MTUS2: variants seen among roughly 807,000 people sequenced by gnomAD.
The protein encoded by MTUS2 is microtubule associated scaffold protein 2.
MTUS2 carries 40 observed loss-of-function variants against 114.1 expected under a neutral mutation model. The observed-to-expected ratio is 0.35, with a 90% CI of 0.27 to 0.46. MTUS2 has a LOEUF of 0.46. Ranked by LOEUF, MTUS2 falls within the 20% of genes least tolerant of loss-of-function variation. The pLI, the probability that MTUS2 is intolerant of heterozygous loss-of-function variation, is 1.00. For missense variants in MTUS2, 1,679 were observed against 1,705.4 expected (o/e 0.98, Z 0.27); for synonymous variants, 688 against 672.0 (o/e 1.02, Z -0.37).
At chr13:28,986,763 G>A (rs1025815188) in intron 2 of MTUS2, among the ~76,000 whole-genome samples, 1 of 152,150 alleles carries the variant, frequency 6.6e-6, no homozygotes, top group Non-Finnish European at 1.5e-5. Flanking sequence ...CATCACTCCA[G>A]AGCTGTGCTA....
At chr13:29,472,336 T>C (rs1880383224) in intron 9 of MTUS2, among the ~76,000 whole-genome samples, 1 of 152,234 alleles carries the variant, frequency 6.6e-6, no homozygotes, top group Middle Eastern at 3.4e-3. Flanking sequence ...TCCATGAACT[T>C]TCATCCTTCA....
At chr13:29,405,930 G>A (rs1284002671) in intron 8 of MTUS2, among the ~76,000 whole-genome samples, 4 of 151,734 alleles carry the variant, frequency 2.6e-5, no homozygotes, top group African/African-American at 7.3e-5. Flanking sequence ...TAGTAGAGAC[G>A]GGGTTTCACC....
intron 8 of MTUS2, among the ~76,000 whole-genome samples, chr13:29,361,886 A>T (rs773724137): frequency 6.6e-6 from 1 of 152,214 alleles, no homozygotes; most frequent in Non-Finnish European, 1.5e-5. Context: ...ACACTGTAGC[A>T]TATTTATCTG....
At chr13:28,982,458 T>C (rs1287623829) in intron 2 of MTUS2, among the ~76,000 whole-genome samples, 1 of 152,168 alleles carries the variant, frequency 6.6e-6, no homozygotes, top group African/African-American at 2.4e-5. Context: ...GAAAACAGTA[T>C]GGTGGTTCCT....
chr13:29,323,440 C>G (rs775765146), intron 6 of MTUS2, among the ~76,000 whole-genome samples: 1 of 152,024 alleles, frequency 6.6e-6, no homozygotes, highest in Non-Finnish European at 1.5e-5. Context: ...TTAGTAAAGA[C>G]GGGGTTTCAC....
chr13:29,367,453 G>C (rs953713418), intron 8 of MTUS2, among the ~76,000 whole-genome samples: 1 of 152,206 alleles, frequency 6.6e-6, no homozygotes, highest in East Asian at 1.9e-4. Context: ...GGTGGAGGCA[G>C]GCAGGAGGCC....
At chr13:29,400,958 G>A (rs775757996) in intron 8 of MTUS2, among the ~76,000 whole-genome samples, 2 of 152,130 alleles carry the variant, frequency 1.3e-5, no homozygotes, top group African/African-American at 2.4e-5. Context: ...GCCTAGCGTT[G>A]TGTCTATTGT....
At chr13:29,015,627 G>T (rs1886032924) in intron 2 of MTUS2, among the ~76,000 whole-genome samples, 1 of 152,148 alleles carries the variant, frequency 6.6e-6, no homozygotes, top group South Asian at 2.1e-4. Flanking sequence ...TCATAAAGTT[G>T]TGCATTCACT....
chr13:29,049,711 G>A (rs925357914), intron 4 of MTUS2, among the ~76,000 whole-genome samples: 3 of 152,188 alleles, frequency 2.0e-5, no homozygotes, highest in East Asian at 1.9e-4. Flanking sequence ...GGAATCCCAC[G>A]TTAGAGCAAT....
Position 29,339,770 on chromosome 13 carries a change from C to T in MTUS2, c.2905+15059C>T, listed in dbSNP as rs1178993918. ...AGGAGCGGTGAGGAGGGGCCGGGTGCGGACCCAGCGCTTCCCATTGACGTA... is the reference window on the plus strand; with the variant it reads ...AGGAGCGGTGAGGAGGGGCCGGGTGTGGACCCAGCGCTTCCCATTGACGTA... On this transcript the variant is annotated intron_variant, in intron 7 of 15. Coordinates refer to ENST00000612955, the MANE Select transcript of MTUS2 (RefSeq NM_001033602.4). 13 of 162,238 alleles carry T rather than the reference C, an allele frequency of 8.0e-5. No individual in the cohort carries two copies. The South Asian group carries it at 1.2e-3, about 15-fold the overall frequency. The allele number at this position is 162,238 out of a possible 1,614,324, so 10.0% of individuals were successfully genotyped here.
chr13:29,087,284 CTTGT>C (rs1029328325), intron 4 of MTUS2, among the ~76,000 whole-genome samples: 4 of 152,084 alleles, frequency 2.6e-5, no homozygotes, highest in African/African-American at 4.8e-5. Context: ...CCTTAAATGC[CTTGT>C]TTGTTAGAGG....
chr13:28,967,193 A>T (rs1883635454), intron 2 of MTUS2, among the ~76,000 whole-genome samples: 1 of 152,220 alleles, frequency 6.6e-6, no homozygotes, highest in Non-Finnish European at 1.5e-5. Context: ...ATTGAAGATG[A>T]GTATTATACA....
chr13:29,221,747 G>C (rs1287767561), intron 5 of MTUS2, among the ~76,000 whole-genome samples: 1 of 151,700 alleles, frequency 6.6e-6, no homozygotes, highest in African/African-American at 2.4e-5. Context: ...AATTCTTAAA[G>C]TTTTACTCCA....
intron 9 of MTUS2, among the ~76,000 whole-genome samples, chr13:29,443,516 T>C (rs1350395156): frequency 6.6e-6 from 1 of 152,216 alleles, no homozygotes; most frequent in African/African-American, 2.4e-5. Flanking sequence ...ATGAAAAAGC[T>C]ACTGGAGGGA....
At chr13:29,066,070 C>G (rs367570660) in intron 4 of MTUS2, among the ~76,000 whole-genome samples, 68 of 152,254 alleles carry the variant, frequency 4.5e-4, no homozygotes, top group African/African-American at 1.5e-3. Context: ...GTCCTAAGGG[C>G]CTTTTATTTG....
At chr13:29,307,350 A>G in intron 6 of MTUS2, 2 of 734,808 alleles carry the variant, frequency 2.7e-6, no homozygotes, top group Non-Finnish European at 4.9e-6. Flanking sequence ...TGGATGGACC[A>G]TCCAGGAGAC....
chr13:28,933,143 ACACACACACACACACACACAGATT>A (rs1881708115), intron 2 of MTUS2, among the ~76,000 whole-genome samples: 1 of 150,714 alleles, frequency 6.6e-6, no homozygotes, highest in Non-Finnish European at 1.5e-5. Context: ...ACACACACAC[ACACACACACACACACACACAGATT>A]GATTGATCTG....
intron 2 of MTUS2, among the ~76,000 whole-genome samples, chr13:28,907,893 G>A (rs1880149419): frequency 6.6e-6 from 1 of 151,518 alleles, no homozygotes; most frequent in African/African-American, 2.4e-5. Context: ...AAAAACCATT[G>A]TGTCACTTCC....
At chr13:29,141,614 C>G (rs537288405) in intron 5 of MTUS2, among the ~76,000 whole-genome samples, 5 of 152,236 alleles carry the variant, frequency 3.3e-5, no homozygotes, top group African/African-American at 1.2e-4. Flanking sequence ...CAAATACATA[C>G]TTAATAAGGA....
Sources: allele counts gnomAD v4.1 joint callset (sites outside exome capture counted in the v4.1 genomes callset), GRCh38; gene constraint gnomAD v4.1.1; transcripts MANE v1.5; gene names NCBI Gene and HGNC (gene_info 2026-07-23, HGNC 2026-07-21).